The following SHKBP1 variants were observed in gnomAD, a reference collection of about 807,000 sequenced individuals.
SHKBP1 encodes SH3KBP1 binding protein 1, also known as SH3KBP1-binding protein 1.
SHKBP1 carries 71 observed loss-of-function variants against 83.9 expected under a neutral mutation model. That is an observed-to-expected ratio of 0.85 (90% CI 0.70 to 1.03). SHKBP1 has a LOEUF of 1.03. Ranked by LOEUF, SHKBP1 falls within the 50% of genes least tolerant of loss-of-function variation. SHKBP1 has a pLI of 0.00. For missense variants in SHKBP1, 824 were observed against 982.4 expected (o/e 0.84, Z 2.16); for synonymous variants, 371 against 398.0 (o/e 0.93, Z 0.81).
chr19:40,580,928 C>T lies in SHKBP1; in HGVS notation c.836C>T (p.Ser279Phe). The change falls in exon 9 of 18, where the codon TCC becomes TTC. Residue 279 changes from serine to phenylalanine, a missense_variant. Physicochemically the swap from Ser to Phe is radical, Grantham distance 155 (BLOSUM62 -2). This residue lies in a region of SHKBP1 where 355 missense variants were observed against 386.4 expected (regional missense o/e 0.92). Coordinates refer to ENST00000291842, the MANE Select transcript of SHKBP1 (RefSeq NM_138392.4). ...GCTCTGCAGGCGGAAGGCGGTGGCTCCGAGATAGGTATGACCCCAAGCCTT... is the reference window on the plus strand; with the variant it reads ...GCTCTGCAGGCGGAAGGCGGTGGCTTCGAGATAGGTATGACCCCAAGCCTT... ...LWALQAEGGG[S>F]EIGVFHLGVP... is the part of the protein sequence containing the mutation. 1 of 1,565,018 alleles carries T rather than the reference C, an allele frequency of 6.4e-7. No individual in the cohort carries two copies. The highest frequency in any genetic ancestry group is 8.7e-7 in the Non-Finnish European group (1 of 1,154,496).
At chr19:40,586,634 T>C (rs527839107) in intron 12 of SHKBP1, 140 bp from the exon 13 acceptor site, 3 of 816,142 alleles carry the variant, frequency 3.7e-6, no homozygotes, top group African/African-American at 1.8e-5. Flanking sequence ...CCCAAAGTGA[T>C]GGGATTACGG....
Position 40,591,067 on chromosome 19 carries a change from A to G in SHKBP1, c.1984A>G (p.Ser662Gly). The G allele has an allele frequency of 6.2e-7, 1 of 1,612,918 alleles. No homozygotes were observed. The highest frequency in any genetic ancestry group is 8.5e-7 in the Non-Finnish European group (1 of 1,179,206). Residue 662 changes from serine to glycine, a missense_variant, in exon 18 of 18, where the codon AGC (serine) becomes GGC (glycine). This residue lies in a region of SHKBP1 where 287 missense variants were observed against 322.9 expected (regional missense o/e 0.89). Coordinates refer to ENST00000291842, the MANE Select transcript of SHKBP1 (RefSeq NM_138392.4). ...TGAGGCCCGGCGCCGTGGTGGGGGC[A>G]GCTTTGTGGAACGCTGCCAGGAACT... ...QAEARRRGGG[S>G]FVERCQELVR... is the part of the protein sequence containing the mutation.
rs150936292 is a variant in SHKBP1, at chr19:40,589,152, C to T, written c.1563C>T (p.Phe521=). 2.4e-4 allele frequency: 392 copies of T among 1,612,932 alleles called. No homozygotes were observed. Among genetic ancestry groups the T allele is most frequent in the Non-Finnish European group, 3.2e-4 (374 of 1,179,856 alleles). ...QKVVPSASQL[F]VRLSSTGQRV... ...TGGTGCCCAGTGCCAGCCAGCTCTT[C>T]GTGCGTCTCTCATCTACTGGGCAGC... The change falls in exon 15 of 18, where the codon TTC becomes TTT. Residue 521 remains phenylalanine (F), a synonymous_variant. Transcript: ENST00000291842.
chr19:40,576,934 C>G lies in SHKBP1; in HGVS notation c.35C>G (p.Pro12Arg). The change falls in exon 1 of 18, where the codon CCC becomes CGC. Residue 12 changes from proline to arginine, a missense_variant. Coordinates refer to ENST00000291842, the MANE Select transcript of SHKBP1 (RefSeq NM_138392.4). The stretch of plus-strand genomic sequence containing the variant: ...GCGGCTACTGCAGCCGAGGGGGTCC[C>G]CAGTCGGGGGCCTCCCGGGGAAGTC... Reference protein sequence around the residue: ...AAAATAAEGVPSRGPPGEVIH... With the variant: ...AAAATAAEGVRSRGPPGEVIH... 1 of 1,492,584 alleles carries G rather than the reference C, an allele frequency of 6.7e-7. No homozygotes were observed. Among genetic ancestry groups the G allele is most frequent in the Non-Finnish European group, 8.9e-7 (1 of 1,125,566 alleles). 92.5% of individuals were successfully genotyped at this position (1,492,584 alleles called of 1,614,324 possible). A position where few individuals can be genotyped will look rare whatever the true frequency, so the allele number is the denominator to read the frequency against.
In SHKBP1 at chr19:40,586,931, G is replaced by T. The variant is rs761586399; in HGVS notation, c.1323G>T (p.Lys441Asn). ...TCACCAAGATCATGCTGTCGGAGAA[G>T]CACCTCATCTCAGGTGAGCCTCTGT... Reference protein sequence around the residue: ...SPVTKIMLSEKHLISVCADNN... With the variant: ...SPVTKIMLSENHLISVCADNN... Residue 441 changes from lysine (K) to asparagine (N), a missense_variant, in exon 13 of 18, where the codon AAG becomes AAT. Physicochemically the swap from Lys to Asn is moderately conservative, Grantham distance 94. This residue lies in a region of SHKBP1 where 182 missense variants were observed against 273.1 expected (regional missense o/e 0.67). Coordinates refer to ENST00000291842, the MANE Select transcript of SHKBP1 (RefSeq NM_138392.4). 5 of 1,602,926 alleles carry T rather than the reference G, an allele frequency of 3.1e-6. No individual in the cohort carries two copies. In the Admixed American group the frequency reaches 8.4e-5, roughly 27 times the overall value.
rs1249834695 is a variant in SHKBP1 at position 40,590,883 on chromosome 19, C to T, written c.1892+30C>T. The T allele has an allele frequency of 6.4e-7, 1 of 1,570,556 alleles. No individual in the cohort carries two copies. The highest frequency in any genetic ancestry group is 8.7e-7 in the Non-Finnish European group (1 of 1,149,812). ...CCACAACTCCACTGCCCCTTCTGTG[C>T]AATGAGGGGAGAGGGGACAGCATGG... On this transcript the variant is annotated intron_variant, in intron 17 of 17. Coordinates refer to ENST00000291842, the MANE Select transcript of SHKBP1 (RefSeq NM_138392.4). This position sits in a 1 kb window ranked among gnomAD's most constrained non-coding sequence, Gnocchi z 4.6.
chr19:40,577,281 C>G lies in SHKBP1; in HGVS notation c.137C>G (p.Ser46Cys). 6.2e-7 allele frequency: 1 copy of G among 1,614,056 alleles called. No individual in the cohort carries two copies. Among genetic ancestry groups the G allele is most frequent in the Non-Finnish European group, 8.5e-7 (1 of 1,179,988 alleles). Reference sequence around the variant, plus strand: ...ACCTGGATCCCAGACTCCTTCTTCTCCAGGTGATCGGGAGAGCGAGTTTGG... The same window carrying G: ...ACCTGGATCCCAGACTCCTTCTTCTGCAGGTGATCGGGAGAGCGAGTTTGG... ...TLTWIPDSFFSSLLSGRISTL... is the reference protein window; with the variant it reads ...TLTWIPDSFFCSLLSGRISTL... The change falls in exon 2 of 18, where the codon TCC (serine) becomes TGC (cysteine). Residue 46 changes from serine to cysteine, a missense_variant. Coordinates refer to ENST00000291842, the MANE Select transcript of SHKBP1 (RefSeq NM_138392.4).
At chr19:40,589,290 A>C (rs1363375003) in intron 15 of SHKBP1, 112 bp downstream of exon 15, 1 of 1,075,790 alleles carries the variant, frequency 9.3e-7, no homozygotes, top group East Asian at 2.6e-5. Flanking sequence ...AAGGGGTCCC[A>C]GCCAAGGAGC....
At chr19:40,582,550 C>G (rs919280506) in intron 10 of SHKBP1, 84 bp downstream of exon 10, 2 of 1,138,252 alleles carry the variant, frequency 1.8e-6, no homozygotes, top group African/African-American at 3.1e-5. Context: ...TCTGCCCCCA[C>G]CCCCACCCCC....
chr19:40,579,398 C>T (rs1169292860), intron 6 of SHKBP1, among the ~76,000 whole-genome samples: 1 of 152,196 alleles, frequency 6.6e-6, no homozygotes, highest in East Asian at 1.9e-4. Flanking sequence ...AGCAGTGGCT[C>T]ACACCTGTAA....
chr19:40,587,388 G>A (rs1353671139), intron 13 of SHKBP1, among the ~76,000 whole-genome samples: 1 of 152,134 alleles, frequency 6.6e-6, no homozygotes, highest in Non-Finnish European at 1.5e-5. Context: ...TCAGGAGTTC[G>A]AGACCAGCCT....
At chr19:40,580,999 C>G (rs2081265595) in intron 9 of SHKBP1, 63 bp downstream of exon 9, 1 of 1,441,352 alleles carries the variant, frequency 6.9e-7, no homozygotes, top group Non-Finnish European at 9.2e-7. Flanking sequence ...GTTAAAATGA[C>G]CCACCCCATA....
intron 12 of SHKBP1, among the ~76,000 whole-genome samples, chr19:40,583,973 T>C (rs2081291746): frequency 1.3e-5 from 2 of 152,094 alleles, no homozygotes; most frequent in Non-Finnish European, 2.9e-5. Context: ...CCCAAGTAGC[T>C]AGGATTACAG....
At chr19:40,583,904 A>G (rs538821826) in intron 12 of SHKBP1, among the ~76,000 whole-genome samples, 187 bp downstream of exon 12, 86 of 151,884 alleles carry the variant, frequency 5.7e-4, no homozygotes, top group African/African-American at 2.0e-3. Flanking sequence ...GCAGTGGTGC[A>G]ATCTTGGCTC....
Position 40,576,889 on chromosome 19 carries a change from G to A in SHKBP1, c.-11G>A, listed in dbSNP as rs761564279. 11 of 1,444,488 alleles carry A rather than the reference G, an allele frequency of 7.6e-6. No individual in the cohort carries two copies. The Admixed American group carries it at 3.1e-4, about 41-fold the overall frequency. 89.5% of individuals were successfully genotyped at this position (1,444,488 alleles called of 1,614,324 possible). On this transcript the variant is annotated 5_prime_UTR_variant, in exon 1 of 18. Transcript: ENST00000291842. The stretch of plus-strand genomic sequence containing the variant: ...GAAGTGGGTGCGGGCCAGCCGGCTC[G>A]CCCGGGGGCCATGGCAGCAGCGGCT...
chr19:40,589,238 C>G, intron 15 of SHKBP1, 60 bp downstream of exon 15: 2 of 1,435,946 alleles, frequency 1.4e-6, no homozygotes, highest in South Asian at 1.2e-5. Context: ...GGAGGGAGGT[C>G]AGGGGAGAAG....
rs2081357763 is a variant in SHKBP1 at position 40,591,175 on chromosome 19, C to T, written c.2092C>T (p.Pro698Ser). The T allele has an allele frequency of 6.3e-7, 1 of 1,593,610 alleles. No homozygotes were observed. Among genetic ancestry groups the T allele is most frequent in the South Asian group, 1.1e-5 (1 of 90,022 alleles). ...CGGTCTCGGCACTCCCCTCACACCT[C>T]CCAAGATGAAGCTCAATGAAACTTC... is the stretch of plus-strand genomic sequence containing the variant. ...SSGLGTPLTP[P>S]KMKLNETSF Residue 698 changes from proline to serine, a missense_variant, in exon 18 of 18, where the codon CCC (proline) becomes TCC (serine). Transcript: ENST00000291842.
chr19:40,586,523 C>T (rs1436687169), intron 12 of SHKBP1, among the ~76,000 whole-genome samples: 1 of 152,080 alleles, frequency 6.6e-6, no homozygotes, highest in Non-Finnish European at 1.5e-5. Flanking sequence ...CGTACTACCA[C>T]CACCAGCTAA....
chr19:40,580,715 G>A lies in SHKBP1; in HGVS notation c.654-31G>A, dbSNP rs781076994. The A allele has an allele frequency of 1.4e-5, 23 of 1,613,680 alleles. No homozygotes were observed. The Admixed American group carries it at 2.5e-4, about 18-fold the overall frequency. On this transcript the variant is annotated intron_variant, in intron 8 of 17. Coordinates refer to ENST00000291842, the MANE Select transcript of SHKBP1 (RefSeq NM_138392.4). ...CCTGTTGATGGGAAGGGCATGCGGT[G>A]AGGGTTGGTGATGTCCCCTCGATCC...
Sources: allele counts gnomAD v4.1 joint callset (sites outside exome capture counted in the v4.1 genomes callset), GRCh38; gene constraint gnomAD v4.1.1; regional missense constraint gnomAD v4.1.1; non-coding constraint Gnocchi (gnomAD v3.1); transcripts MANE v1.5; gene names NCBI Gene and HGNC (gene_info 2026-07-23, HGNC 2026-07-21).